The following TRIM56 variants were observed in gnomAD, a reference collection of about 807,000 sequenced individuals.
TRIM56 encodes the protein E3 ubiquitin-protein ligase TRIM56.
In TRIM56, 10 loss-of-function variants were observed where a neutral mutation model predicts 17.1. That is an observed-to-expected ratio of 0.58 (90% CI 0.36 to 0.99). The LOEUF (loss-of-function observed/expected upper bound fraction) is 0.99, where lower values mean the gene tolerates loss of function less well. Among genes scored for constraint, TRIM56 ranks in the 50% least tolerant of loss-of-function variants. TRIM56 has a pLI of 0.01. For missense variants in TRIM56, 923 were observed against 1,052.3 expected (o/e 0.88, Z 1.70); for synonymous variants, 503 against 473.5 (o/e 1.06, Z -0.81).
At position 101,090,763 on chromosome 7, in the gene TRIM56, G is replaced by A. The variant is rs1262497016; in HGVS notation, c.*1183G>A. On this transcript the variant is annotated 3_prime_UTR_variant, in exon 3 of 3. Transcript: ENST00000306085. ...GTGTCAGAGCAGGGGAGCCCTCCAC[G>A]CAGCCACGGAGCCAGTCTGAGGGAA... The A allele has an allele frequency of 6.6e-6, 1 of 152,018 alleles. No individual in the cohort carries two copies. The highest frequency in any genetic ancestry group is 2.4e-5 in the African/African-American group (1 of 41,364). 9.4% of individuals were successfully genotyped at this position (152,018 alleles called of 1,614,324 possible).
rs566862237 is a variant in TRIM56, at chr7:101,092,057, C to G, written c.*2477C>G. 2.7e-5 allele frequency: 8 copies of G among 292,228 alleles called. No homozygotes were observed. Among genetic ancestry groups the G allele is most frequent in the South Asian group, 1.4e-4 (5 of 35,972 alleles). The allele number at this position is 292,228 out of a possible 1,614,324, so 18.1% of individuals were successfully genotyped here. Reference sequence around the variant, plus strand: ...CGCCAGCCTCGGCCTCCGGAGGTGCCGGGATTGCAGACGGAGTCTCGTTCA... The same window carrying G: ...CGCCAGCCTCGGCCTCCGGAGGTGCGGGGATTGCAGACGGAGTCTCGTTCA... On this transcript the variant is annotated 3_prime_UTR_variant, in exon 3 of 3. Coordinates refer to ENST00000306085, the MANE Select transcript of TRIM56 (RefSeq NM_030961.3).
intron 2 of TRIM56, 58 bp from the exon 3 acceptor site, chr7:101,087,254 A>G: frequency 6.7e-7 from 1 of 1,483,150 alleles, no homozygotes. Context: ...GGTAGAAGCT[A>G]GAGGGTGAGC....
At position 101,088,751 on chromosome 7, in the gene TRIM56, C is replaced by T. The variant is rs375631587; in HGVS notation, c.1439C>T (p.Pro480Leu). 4.6e-5 allele frequency: 75 copies of T among 1,614,020 alleles called. No homozygotes were observed. The East Asian group carries it at 9.1e-4, about 20-fold the overall frequency. ...ISREPSPALG[P>L]NLDGSGLLPR... ...CGGGAGCCCAGCCCAGCCCTGGGGC[C>T]GAATCTGGACGGCTCTGGCCTCCTC... is the stretch of plus-strand genomic sequence containing the variant. Residue 480 changes from proline (P) to leucine (L), a missense_variant, in exon 3 of 3, where the codon CCG (proline) becomes CTG (leucine). Pro to Leu is a moderately conservative substitution (Grantham distance 98). This residue lies in a region of TRIM56 where 643 missense variants were observed against 665.6 expected (regional missense o/e 0.97). Coordinates refer to ENST00000306085, the MANE Select transcript of TRIM56 (RefSeq NM_030961.3).
In TRIM56 at chr7:101,095,008, C is replaced by G. The variant is rs1316579523; in HGVS notation, c.*5428C>G. The G allele has an allele frequency of 1.3e-5, 2 of 151,362 alleles. No homozygotes were observed. Among genetic ancestry groups the G allele is most frequent in the Non-Finnish European group, 2.9e-5 (2 of 67,982 alleles). The allele number at this position is 151,362 out of a possible 1,614,324, so 9.4% of individuals were successfully genotyped here. ...CAAAACCTCGGCTTGTGGGGAATCTCCAGTAGGGGGCACTGTGGACACGGT... is the reference window on the plus strand; with the variant it reads ...CAAAACCTCGGCTTGTGGGGAATCTGCAGTAGGGGGCACTGTGGACACGGT... On this transcript the variant is annotated 3_prime_UTR_variant, in exon 3 of 3. Transcript: ENST00000306085.
intron 1 of TRIM56, among the ~76,000 whole-genome samples, chr7:101,086,253 A>G (rs1022500582): frequency 1.3e-5 from 2 of 152,110 alleles, no homozygotes; most frequent in Non-Finnish European, 2.9e-5. Flanking sequence ...AAAAGTGATA[A>G]TTTTTAAAAA....
In TRIM56 at chr7:101,088,936, G is replaced by T; in HGVS notation, c.1624G>T (p.Gly542Cys). 6.2e-7 allele frequency: 1 copy of T among 1,613,628 alleles called. No homozygotes were observed. The highest frequency in any genetic ancestry group is 8.5e-7 in the Non-Finnish European group (1 of 1,180,022). Residue 542 changes from glycine (G) to cysteine (C), a missense_variant, in exon 3 of 3, where the codon GGC becomes TGC. Physicochemically the swap from Gly to Cys is radical, Grantham distance 159. Transcript: ENST00000306085. ...CTTCTCCCTCAACGGCGACTACAAG[G>T]GCACCGTGCCGGTCCCTGAGGGCTG... ...KRFSLNGDYK[G>C]TVPVPEGCSP...
chr7:101,090,778 G>C lies in TRIM56; in HGVS notation c.*1198G>C, dbSNP rs1298198756. 6.6e-6 allele frequency: 1 copy of C among 152,214 alleles called. No individual in the cohort carries two copies. The highest frequency in any genetic ancestry group is 1.5e-5 in the Non-Finnish European group (1 of 68,064). The allele number at this position is 152,214 out of a possible 1,614,324, so 9.4% of individuals were successfully genotyped here. On this transcript the variant is annotated 3_prime_UTR_variant, in exon 3 of 3. Coordinates refer to ENST00000306085, the MANE Select transcript of TRIM56 (RefSeq NM_030961.3). Reference sequence around the variant, plus strand: ...AGCCCTCCACGCAGCCACGGAGCCAGTCTGAGGGAAGAGGTACATAGGATA... The same window carrying C: ...AGCCCTCCACGCAGCCACGGAGCCACTCTGAGGGAAGAGGTACATAGGATA...
At position 101,096,969 on chromosome 7, in the gene TRIM56, A is replaced by G. The variant is rs1052597803; in HGVS notation, c.*7389A>G. ...AGGACCCATAAGAGTAGACATTTAG[A>G]AAAAGTGAAAAATGGCAAGAGTGGC... On this transcript the variant is annotated 3_prime_UTR_variant, in exon 3 of 3. Transcript: ENST00000306085. The G allele has an allele frequency of 2.0e-5, 3 of 152,234 alleles. No homozygotes were observed. The highest frequency in any genetic ancestry group is 2.9e-5 in the Non-Finnish European group (2 of 68,044). The allele number at this position is 152,234 out of a possible 1,614,324, so 9.4% of individuals were successfully genotyped here.
chr7:101,087,861 C>T lies in TRIM56; in HGVS notation c.549C>T (p.Pro183=). The T allele has an allele frequency of 1.9e-6, 3 of 1,605,596 alleles. No individual in the cohort carries two copies. The highest frequency in any genetic ancestry group is 2.5e-6 in the Non-Finnish European group (3 of 1,177,446). Residue 183 remains proline (P), a synonymous_variant, in exon 3 of 3, where the codon CCC becomes CCT. Transcript: ENST00000306085. ...AGGCACTGCGCTTCCTGTGCCAGCC[C>T]TGCTCACAGTTGCTGTGCAGAGAGT... is the stretch of plus-strand genomic sequence containing the variant. ...PGEALRFLCQ[P]CSQLLCRECR...
Position 101,091,926 on chromosome 7 carries a change from T to C in TRIM56, c.*2346T>C. On this transcript the variant is annotated 3_prime_UTR_variant, in exon 3 of 3. Transcript: ENST00000306085. ...CCTCAGCCTGCCGAGTGCCTGCGAT[T>C]GCAGGCGCGCGCCGCCACGCCTGAC... The C allele has an allele frequency of 3.3e-6, 1 of 306,602 alleles. No individual in the cohort carries two copies. Among genetic ancestry groups the C allele is most frequent in the Non-Finnish European group, 6.5e-6 (1 of 155,010 alleles). The allele number at this position is 306,602 out of a possible 1,614,324, so 19.0% of individuals were successfully genotyped here.
chr7:101,089,157 T>C lies in TRIM56; in HGVS notation c.1845T>C (p.Asn615=), dbSNP rs745542254. 2 of 1,611,136 alleles carry C rather than the reference T, an allele frequency of 1.2e-6. No homozygotes were observed. Among genetic ancestry groups the C allele is most frequent in the Non-Finnish European group, 1.7e-6 (2 of 1,179,548 alleles). Residue 615 remains asparagine (N), a synonymous_variant, in exon 3 of 3, where the codon AAT becomes AAC. Transcript: ENST00000306085. ...VSVAGHVEVY[N]MEGSLATRFI... ...TGGCGGGCCACGTGGAGGTGTACAA[T>C]ATGGAAGGCAGCCTGGCCACCCGGT...
chr7:101,089,132 TG>T lies in TRIM56; in HGVS notation c.1822del (p.Ala608ArgfsTer33). On this transcript the variant is annotated frameshift_variant, in exon 3 of 3. Coordinates refer to ENST00000306085, the MANE Select transcript of TRIM56 (RefSeq NM_030961.3). LOFTEE classifies it high-confidence loss of function. ...AGCGGGGACCGCGTGGCTGTCAGCG[TG>T]GCGGGCCACGTGGAGGTGTACAATA... The part of the protein sequence containing the change: ...LPSGDRVAVS[V>X]AGHVEVYNME... 1 of 1,607,564 alleles carries T rather than the reference TG, an allele frequency of 6.2e-7. No homozygotes were observed. Among genetic ancestry groups the T allele is most frequent in the Middle Eastern group, 1.7e-4 (1 of 6,056 alleles).
chr7:101,086,427 G>A (rs1188959531), intron 1 of TRIM56, among the ~76,000 whole-genome samples: 3 of 152,028 alleles, frequency 2.0e-5, no homozygotes, highest in Admixed American at 1.3e-4. Context: ...CGGGTGTGAT[G>A]GTGCGCACCT....
In TRIM56 at chr7:101,087,787, G is replaced by A. The variant is rs544312602; in HGVS notation, c.475G>A (p.Glu159Lys). 8.9e-4 allele frequency: 1,429 copies of A among 1,606,866 alleles called. 30 individuals are homozygous for A. In the South Asian group the frequency reaches 0.015, roughly 17 times the overall value. ...LVGYRAGWYD[E>K]EARERQAAQC... ...GGGCTACAGGGCCGGGTGGTATGAT[G>A]AGGAGGCCCGGGAGCGCCAAGCGGC... Residue 159 changes from glutamate to lysine, a missense_variant, in exon 3 of 3, where the codon GAG becomes AAG. Transcript: ENST00000306085.
rs372986771 is a variant in TRIM56 at position 101,087,513 on chromosome 7, C to G, written c.201C>G (p.Pro67=). The G allele has an allele frequency of 1.4e-5, 22 of 1,613,268 alleles. No homozygotes were observed. Among genetic ancestry groups the G allele is most frequent in the Non-Finnish European group, 1.8e-5 (21 of 1,179,724 alleles). ...PECRETVPVP[P]EGVASFKTNF... ...GCCGCGAGACAGTGCCTGTGCCGCC[C>G]GAGGGTGTGGCCTCCTTCAAGACCA... The change falls in exon 3 of 3, where the codon CCC becomes CCG. Residue 67 remains proline, a synonymous_variant. Transcript: ENST00000306085.
Position 101,089,022 on chromosome 7 carries a change from C to CT in TRIM56, c.1711dup (p.Tyr571LeufsTer29), listed in dbSNP as rs1284935943. On this transcript the variant is annotated frameshift_variant, in exon 3 of 3. Transcript: ENST00000306085. LOFTEE classifies it high-confidence loss of function. ...TGGCCTTCTCCGCTAGCGCACGGCT[C>CT]TATCTCATCAACCCCAACGGCGAAG... is the stretch of plus-strand genomic sequence containing the variant. 6.2e-7 allele frequency: 1 copy of CT among 1,605,552 alleles called. No homozygotes were observed. The highest frequency in any genetic ancestry group is 1.7e-5 in the Admixed American group (1 of 59,988).
In TRIM56 at chr7:101,094,873, A is replaced by C. The variant is rs562851525; in HGVS notation, c.*5293A>C. On this transcript the variant is annotated 3_prime_UTR_variant, in exon 3 of 3. Coordinates refer to ENST00000306085, the MANE Select transcript of TRIM56 (RefSeq NM_030961.3). ...CTGTCTTCATTGCAGCTCTGTCTGCAGAGCCAGCACTGTGATACCTCATAG... is the reference window on the plus strand; with the variant it reads ...CTGTCTTCATTGCAGCTCTGTCTGCCGAGCCAGCACTGTGATACCTCATAG... The C allele has an allele frequency of 2.3e-4, 35 of 152,226 alleles. No homozygotes were observed. The highest frequency in any genetic ancestry group is 7.7e-4 in the African/African-American group (32 of 41,514). 9.4% of individuals were successfully genotyped at this position (152,226 alleles called of 1,614,324 possible). A position where few individuals can be genotyped will look rare whatever the true frequency, so the allele number is the denominator to read the frequency against.
chr7:101,086,432 G>GC (rs1170252119), intron 1 of TRIM56, among the ~76,000 whole-genome samples: 2 of 151,922 alleles, frequency 1.3e-5, no homozygotes, highest in African/African-American at 2.4e-5. Flanking sequence ...GTGATGGTGC[G>GC]CACCTGTAAT....
Position 101,089,847 on chromosome 7 carries a change from G to A in TRIM56, c.*267G>A. Reference sequence around the variant, plus strand: ...CACCTGCCTCTTGCTTTTTGTGGGTGGCTGCTGCCACCACCGCCGCTGCTA... The same window carrying A: ...CACCTGCCTCTTGCTTTTTGTGGGTAGCTGCTGCCACCACCGCCGCTGCTA... On this transcript the variant is annotated 3_prime_UTR_variant, in exon 3 of 3. Coordinates refer to ENST00000306085, the MANE Select transcript of TRIM56 (RefSeq NM_030961.3). 2.3e-6 allele frequency: 1 copy of A among 437,392 alleles called. No homozygotes were observed. The highest frequency in any genetic ancestry group is 4.3e-6 in the Non-Finnish European group (1 of 234,742). 27.1% of individuals were successfully genotyped at this position (437,392 alleles called of 1,614,324 possible). A position where few individuals can be genotyped will look rare whatever the true frequency, so the allele number is the denominator to read the frequency against.
Sources: allele counts gnomAD v4.1 joint callset (sites outside exome capture counted in the v4.1 genomes callset), GRCh38; gene constraint gnomAD v4.1.1; regional missense constraint gnomAD v4.1.1; transcripts MANE v1.5; gene names NCBI Gene and HGNC (gene_info 2026-07-23, HGNC 2026-07-21).